ATP10A: variants seen among roughly 807,000 people sequenced by gnomAD.
ATP10A encodes the protein ATPase phospholipid transporting 10A (putative).
ATP10A carries 111 observed loss-of-function variants against 147.8 expected under a neutral mutation model. That is an observed-to-expected ratio of 0.75 (90% CI 0.64 to 0.88). The LOEUF is 0.88. ATP10A is among the 40% of genes least tolerant of loss of function. The pLI is 0.00. For synonymous variants in ATP10A, 875 were observed against 841.6 expected (o/e 1.04, Z -0.69); for missense variants, 1,927 against 1,959.0 (o/e 0.98, Z 0.31).
downstream of ATP10A, among the ~76,000 whole-genome samples, chr15:25,675,174 G>A (rs1437662732): frequency 6.6e-6 from 1 of 152,176 alleles, no homozygotes; most frequent in Non-Finnish European, 1.5e-5. Context: ...TGGCTCAGAA[G>A]GTGTTGGTTT....
At chr15:25,819,240 A>G (rs2140839948) in intron 1 of ATP10A, among the ~76,000 whole-genome samples, 1 of 152,330 alleles carries the variant, frequency 6.6e-6, no homozygotes, top group East Asian at 1.9e-4. Flanking sequence ...AAAACCAAGT[A>G]ACTCCATTAA....
chr15:25,811,856 C>G (rs140082744), intron 1 of ATP10A, among the ~76,000 whole-genome samples: 5 of 152,304 alleles, frequency 3.3e-5, no homozygotes, highest in African/African-American at 9.6e-5. Flanking sequence ...CTGGCTGCAC[C>G]TGCATGGACT....
chr15:25,777,096 C>CGT (rs34174555), intron 2 of ATP10A, among the ~76,000 whole-genome samples: 1,899 of 149,670 alleles, frequency 0.013, 40 homozygotes, highest in East Asian at 0.039. Flanking sequence ...TGCATACGTG[C>CGT]GTGTGTGTGT....
chr15:25,802,895 C>T (rs1891003557), intron 1 of ATP10A, among the ~76,000 whole-genome samples: 2 of 152,294 alleles, frequency 1.3e-5, no homozygotes, highest in Middle Eastern at 3.4e-3. Context: ...TTCGGATGTA[C>T]ACATCTGTGG....
Position 25,718,376 on chromosome 15 carries a change from C to G in ATP10A, c.1387G>C (p.Glu463Gln). Residue 463 changes from glutamate (E) to glutamine (Q), a missense_variant, in exon 8 of 21, where the codon GAG becomes CAG. Coordinates refer to ENST00000555815, the MANE Select transcript of ATP10A (RefSeq NM_024490.4). The stretch of plus-strand genomic sequence containing the variant: ...ACCTCCTCCTCCTCCGAGTCTGCCT[C>G]TTGGTACCTGGCCAGACGCTGCGCT... Reference protein sequence around the residue: ...ANAQRLARYQEADSEEEEVVP... With the variant: ...ANAQRLARYQQADSEEEEVVP... 1.2e-6 allele frequency: 2 copies of G among 1,606,232 alleles called. No individual in the cohort carries two copies. The highest frequency in any genetic ancestry group is 1.8e-4 in the Middle Eastern group (1 of 5,444).
chr15:25,748,248 G>A (rs554115152), intron 2 of ATP10A, among the ~76,000 whole-genome samples: 93 of 151,884 alleles, frequency 6.1e-4, no homozygotes, highest in Middle Eastern at 3.4e-3. Context: ...AGGTGTGAGC[G>A]GCCAAAAATT....
Position 25,863,192 on chromosome 15 carries a change from G to A in ATP10A, c.-96C>T. 2.3e-6 allele frequency: 2 copies of A among 880,986 alleles called. No homozygotes were observed. Among genetic ancestry groups the A allele is most frequent in the African/African-American group, 3.6e-5 (2 of 55,296 alleles). The allele number at this position is 880,986 out of a possible 1,614,324, so 54.6% of individuals were successfully genotyped here. On this transcript the variant is annotated 5_prime_UTR_variant, in exon 1 of 21. Transcript: ENST00000555815. ...ACTCGCGGCCCGGGCGCGGCGGTGCGAGCTCCCCGCCTGCGGGACGCACGG... is the reference window on the plus strand; with the variant it reads ...ACTCGCGGCCCGGGCGCGGCGGTGCAAGCTCCCCGCCTGCGGGACGCACGG...
downstream of ATP10A, among the ~76,000 whole-genome samples, chr15:25,674,770 C>T (rs1567290878): frequency 6.6e-6 from 1 of 152,130 alleles, no homozygotes; most frequent in Non-Finnish European, 1.5e-5. Flanking sequence ...TAGGAAATAC[C>T]ACTTTCTGCA....
chr15:25,685,731 G>C (rs1273764186), intron 16 of ATP10A, among the ~76,000 whole-genome samples: 1 of 151,878 alleles, frequency 6.6e-6, no homozygotes. Context: ...GGCTGAGGTA[G>C]GGGGATTGCT....
At chr15:25,732,558 C>CTTTTTTTTTTTTTTTTTT (rs36120691) in intron 3 of ATP10A, among the ~76,000 whole-genome samples, 1 of 84,146 alleles carries the variant, frequency 1.2e-5, no homozygotes, top group Non-Finnish European at 2.1e-5. Flanking sequence ...GCGACACCTT[C>CTTTTTTTTTTTTTTTTTT]TTTTTTTTTT....
chr15:25,736,678 C>T (rs1887305407), intron 2 of ATP10A, among the ~76,000 whole-genome samples: 1 of 152,036 alleles, frequency 6.6e-6, no homozygotes, highest in Non-Finnish European at 1.5e-5. Context: ...CAACTCACCA[C>T]AAAAATGTCT....
At chr15:25,760,743 G>A (rs899225655) in intron 2 of ATP10A, among the ~76,000 whole-genome samples, 3 of 152,186 alleles carry the variant, frequency 2.0e-5, no homozygotes, top group Admixed American at 1.3e-4. Flanking sequence ...CACTTTGGGA[G>A]ACTGAGGCAG....
intron 1 of ATP10A, among the ~76,000 whole-genome samples, chr15:25,849,081 G>C (rs530834489): frequency 2.0e-5 from 3 of 152,130 alleles, no homozygotes; most frequent in African/African-American, 7.2e-5. Flanking sequence ...CCTTCCATGG[G>C]AAAGAACAGG....
intron 4 of ATP10A, 126 bp downstream of exon 4, chr15:25,727,034 G>A: frequency 3.0e-6 from 2 of 659,448 alleles, no homozygotes; most frequent in Admixed American, 2.9e-5. Context: ...TCCAGCCTGG[G>A]CGACAGTGCG....
intron 1 of ATP10A, among the ~76,000 whole-genome samples, chr15:25,818,369 A>C (rs2140838020): frequency 6.6e-6 from 1 of 152,304 alleles, no homozygotes. Flanking sequence ...AATATACAAA[A>C]AAAGGTTAAA....
At chr15:25,784,284 G>A (rs1267927323) in intron 1 of ATP10A, among the ~76,000 whole-genome samples, 1 of 152,148 alleles carries the variant, frequency 6.6e-6, no homozygotes, top group African/African-American at 2.4e-5. Context: ...GTCCCCAGGA[G>A]ACCGGGCAGT....
At chr15:25,828,525 C>T (rs116276935) in intron 1 of ATP10A, among the ~76,000 whole-genome samples, 333 of 152,178 alleles carry the variant, frequency 2.2e-3, no homozygotes, top group African/African-American at 7.7e-3. Context: ...ATTAAACAAT[C>T]CACTCTTAAA....
At chr15:25,769,145 A>C (rs1042851450) in intron 2 of ATP10A, among the ~76,000 whole-genome samples, 7 of 152,082 alleles carry the variant, frequency 4.6e-5, no homozygotes, top group African/African-American at 1.7e-4. Context: ...CCCCATAGTA[A>C]AATCCTAATT....
chr15:25,842,525 C>T (rs753661802), intron 1 of ATP10A, among the ~76,000 whole-genome samples: 3 of 152,210 alleles, frequency 2.0e-5, no homozygotes, highest in South Asian at 2.1e-4. Flanking sequence ...AGTTTTCTAC[C>T]GTGTTTCAGT....
Sources: gnomAD v4.1 joint callset for allele counts (sites outside exome capture counted in the v4.1 genomes callset) on GRCh38, gnomAD v4.1.1 for gene constraint, MANE v1.5 for transcripts, NCBI Gene and HGNC (gene_info 2026-07-23, HGNC 2026-07-21) for gene names.